Variants in USP34 observed in about 807,000 individuals in gnomAD.
The protein encoded by USP34 is ubiquitin carboxyl-terminal hydrolase 34.
In USP34, 70 loss-of-function variants were observed where a neutral mutation model predicts 460.3. That is an observed-to-expected ratio of 0.15 (90% CI 0.13 to 0.19). The LOEUF is 0.19. Among genes scored for constraint, USP34 ranks in the 10% least tolerant of loss-of-function variants. USP34 has a pLI of 1.00. For missense variants in USP34, 3,985 were observed against 4,236.2 expected (o/e 0.94, Z 1.65); for synonymous variants, 1,647 against 1,405.3 (o/e 1.17, Z -3.85).
At chr2:61,215,467 T>C (rs939375742) in intron 67 of USP34, among the ~76,000 whole-genome samples, 4 of 152,238 alleles carry the variant, frequency 2.6e-5, no homozygotes, top group African/African-American at 4.8e-5. Context: ...AACTTGGTGT[T>C]AAACTTATTA....
intron 20 of USP34, among the ~76,000 whole-genome samples, chr2:61,329,217 C>T (rs1355523953): frequency 6.6e-6 from 1 of 151,522 alleles, no homozygotes; most frequent in South Asian, 2.1e-4. Flanking sequence ...GTAAAGACGA[C>T]GTTTCTCCAT....
intron 27 of USP34, among the ~76,000 whole-genome samples, chr2:61,305,703 A>G (rs1468950895): frequency 6.6e-6 from 1 of 152,178 alleles, no homozygotes; most frequent in African/African-American, 2.4e-5. Flanking sequence ...CTAAACCCAG[A>G]TCTCAAACAG....
At chr2:61,200,058 T>A (rs535053230) in intron 75 of USP34, 1 of 152,404 alleles carries the variant, frequency 6.6e-6, no homozygotes, top group Non-Finnish European at 1.5e-5. Context: ...CCTGTGTGTG[T>A]GCGCATGCAG....
Position 61,283,424 on chromosome 2 carries a change from T to C in USP34, c.4858A>G (p.Arg1620Gly). 1 of 1,607,164 alleles carries C rather than the reference T, an allele frequency of 6.2e-7. No homozygotes were observed. The highest frequency in any genetic ancestry group is 8.5e-7 in the Non-Finnish European group (1 of 1,177,458). Residue 1620 changes from arginine (R) to glycine (G), a missense_variant, in exon 36 of 80, where the codon AGG (arginine) becomes GGG (glycine). Arg to Gly is a moderately radical substitution (Grantham distance 125). This residue lies in a region of USP34 where 1,114 missense variants were observed against 1,122.5 expected (regional missense o/e 0.99). Coordinates refer to ENST00000398571, the MANE Select transcript of USP34 (RefSeq NM_014709.4). ...GAACCCTTACCTTCATGTCTAGACCTGTGATCAGACTGAGCTTTTAAAACT... is the reference window on the plus strand; with the variant it reads ...GAACCCTTACCTTCATGTCTAGACCCGTGATCAGACTGAGCTTTTAAAACT... ...PRVLKAQSDH[R>G]SRHEVSHYSM... is the part of the protein sequence containing the mutation.
intron 2 of USP34, among the ~76,000 whole-genome samples, chr2:61,416,713 T>C (rs1449303934): frequency 3.3e-5 from 5 of 151,954 alleles, no homozygotes; most frequent in Admixed American, 6.6e-5. Flanking sequence ...CTCTTCCCAT[T>C]TTCTGAGTTA....
intron 2 of USP34, among the ~76,000 whole-genome samples, chr2:61,410,791 AAGTAATT>A: frequency 1.3e-5 from 2 of 152,226 alleles, no homozygotes; most frequent in African/African-American, 2.4e-5. Flanking sequence ...GAAAAATAGT[AAGTAATT>A]CAGAGTGAAG....
chr2:61,350,623 A>C lies in USP34; in HGVS notation c.1322T>G (p.Leu441Arg), dbSNP rs1242460841. The change falls in exon 11 of 80, where the codon CTT becomes CGT. Residue 441 changes from leucine to arginine, a missense_variant. Transcript: ENST00000398571. ...SLIKNLDPVP[L>R]RHLLNLVSAL... is the part of the protein sequence containing the mutation. The stretch of plus-strand genomic sequence containing the variant: ...TGAGACCAGATTAAGTAGATGTCTA[A>C]GTGGTACGGGATCCAAATTCTTGAT... The C allele has an allele frequency of 1.9e-5, 31 of 1,613,952 alleles. No individual in the cohort carries two copies. The highest frequency in any genetic ancestry group is 2.6e-5 in the Non-Finnish European group (31 of 1,179,866).
chr2:61,235,043 A>G (rs1174783439), intron 57 of USP34, among the ~76,000 whole-genome samples: 1 of 152,168 alleles, frequency 6.6e-6, no homozygotes, highest in African/African-American at 2.4e-5. Flanking sequence ...AAAGACTAAA[A>G]AATTTTGCAC....
In USP34 at chr2:61,369,760, A is replaced by G. The variant is rs867051319; in HGVS notation, c.1251+561T>C. Reference sequence around the variant, plus strand: ...TGAGAAATCTCCAGAATAAATTAAGAAAGAAAAAAAAAAAAGTCAAAGCCA... The same window carrying G: ...TGAGAAATCTCCAGAATAAATTAAGGAAGAAAAAAAAAAAAGTCAAAGCCA... On this transcript the variant is annotated intron_variant, in intron 10 of 79. Coordinates refer to ENST00000398571, the MANE Select transcript of USP34 (RefSeq NM_014709.4). Among the ~76,000 whole-genome samples, 12 of 151,356 alleles carry G rather than the reference A, an allele frequency of 7.9e-5. No individual in the cohort carries two copies. The South Asian group carries it at 2.5e-3, about 31-fold the overall frequency.
At chr2:61,231,289 T>A (rs1687888171) in intron 58 of USP34, among the ~76,000 whole-genome samples, 1 of 151,942 alleles carries the variant, frequency 6.6e-6, no homozygotes, top group African/African-American at 2.4e-5. Flanking sequence ...TAGGGTTTTT[T>A]TTTGGTGGGG....
chr2:61,310,044 A>G (rs1371320092), intron 27 of USP34, among the ~76,000 whole-genome samples: 1 of 152,228 alleles, frequency 6.6e-6, no homozygotes, highest in East Asian at 1.9e-4. Flanking sequence ...ACACTAAAAA[A>G]ACAAATTCAA....
intron 1 of USP34, among the ~76,000 whole-genome samples, 196 bp downstream of exon 1, chr2:61,470,454 G>C (rs1255605253): frequency 1.3e-5 from 2 of 149,810 alleles, no homozygotes; most frequent in Non-Finnish European, 3.0e-5. Flanking sequence ...CCTCTCGGGC[G>C]CCCAGGTAAC....
intron 5 of USP34, among the ~76,000 whole-genome samples, chr2:61,389,083 TG>T (rs1693261763): frequency 6.6e-6 from 1 of 151,968 alleles, no homozygotes; most frequent in Non-Finnish European, 1.5e-5. Flanking sequence ...AAAACCAAAT[TG>T]TAGTGTTTAG....
At chr2:61,214,923 A>G (rs1189896510) in intron 67 of USP34, among the ~76,000 whole-genome samples, 3 of 152,226 alleles carry the variant, frequency 2.0e-5, no homozygotes, top group East Asian at 3.8e-4. Flanking sequence ...TGAAGTGGCA[A>G]TAATTTTTAA....
chr2:61,249,625 G>A (rs1177252960), intron 48 of USP34, among the ~76,000 whole-genome samples: 2 of 152,086 alleles, frequency 1.3e-5, no homozygotes, highest in Non-Finnish European at 2.9e-5. Flanking sequence ...ACTCCTGCTC[G>A]CCCTTTTCCA....
At position 61,387,928 on chromosome 2, in the gene USP34, TACACACACAC is replaced by T. The variant is rs36116916; in HGVS notation, c.754-4602_754-4593del. 3.4e-3 allele frequency among the ~76,000 whole-genome samples: 483 copies of T among 142,660 alleles called. 2 individuals carry two copies. Among genetic ancestry groups the T allele is most frequent in the African/African-American group, 0.011 (414 of 38,306 alleles). The allele number at this position is 142,660 out of a possible 152,430, so 93.6% of individuals were successfully genotyped here. ...ATAAGCATATGTAAAAATATATTTA[TACACACACAC>T]ACACACACACACACACACACATATA... On this transcript the variant is annotated intron_variant, in intron 5 of 79. Transcript: ENST00000398571.
In USP34 at chr2:61,468,781, A is replaced by T. The variant is rs149870813; in HGVS notation, c.43+1869T>A. 3.7e-3 allele frequency among the ~76,000 whole-genome samples: 568 copies of T among 152,346 alleles called. 1 individual carries two copies. The highest frequency in any genetic ancestry group is 6.5e-3 in the Admixed American group (100 of 15,286). Reference sequence around the variant, plus strand: ...ATGCACTGCATTTTTCAGTGCTTCTAACCAAAGTTCTAGGGGTTTCCCAGA... The same window carrying T: ...ATGCACTGCATTTTTCAGTGCTTCTTACCAAAGTTCTAGGGGTTTCCCAGA... On this transcript the variant is annotated intron_variant, in intron 1 of 79. Coordinates refer to ENST00000398571, the MANE Select transcript of USP34 (RefSeq NM_014709.4).
At chr2:61,465,561 G>T (rs1431844358) in intron 1 of USP34, among the ~76,000 whole-genome samples, 2 of 152,118 alleles carry the variant, frequency 1.3e-5, no homozygotes. Context: ...ACAATTAACT[G>T]GCCAGGCATG....
intron 49 of USP34, among the ~76,000 whole-genome samples, chr2:61,247,823 C>G (rs1433459163): frequency 6.6e-6 from 1 of 152,158 alleles, no homozygotes; most frequent in Non-Finnish European, 1.5e-5. Flanking sequence ...GAGACAGAGT[C>G]TCGCTCTGTC....
Sources: allele counts gnomAD v4.1 joint callset (sites outside exome capture counted in the v4.1 genomes callset), GRCh38; gene constraint gnomAD v4.1.1; regional missense constraint gnomAD v4.1.1; transcripts MANE v1.5; gene names NCBI Gene and HGNC (gene_info 2026-07-23, HGNC 2026-07-21).